The following HAPSTR1 variants were observed in gnomAD, a reference collection of about 807,000 sequenced individuals.
The protein encoded by HAPSTR1 is HUWE1-associated protein modifying stress responses 1.
At chr16:9,112,384 G>A in the HAPSTR1 span, 1 of 152,350 alleles carries the variant, frequency 6.6e-6, no homozygotes, top group East Asian at 1.9e-4. Flanking sequence ...TTTTCTATGG[G>A]AGATACACTG....
chr16:9,096,838 A>AT, the HAPSTR1 span, among the ~76,000 whole-genome samples: 4 of 151,774 alleles, frequency 2.6e-5, no homozygotes, highest in Non-Finnish European at 4.4e-5. Flanking sequence ...GTGTCTTAAA[A>AT]TTTTTTTTTA....
chr16:9,092,311 C>A, the HAPSTR1 span: 1 of 1,434,476 alleles, frequency 7.0e-7, no homozygotes, highest in Non-Finnish European at 9.2e-7. Flanking sequence ...TTGGCCGCCC[C>A]CGCCCGGGCC....
chr16:9,092,281 C>T, the HAPSTR1 span: 2 of 1,523,132 alleles, frequency 1.3e-6, no homozygotes, highest in Non-Finnish European at 1.8e-6. Context: ...GTGAGGCCGC[C>T]GCCGCCATCT....
chr16:9,101,941 T>C, the HAPSTR1 span, among the ~76,000 whole-genome samples: 1 of 152,008 alleles, frequency 6.6e-6, no homozygotes, highest in Non-Finnish European at 1.5e-5. Context: ...ACCAATATGG[T>C]GAAACCCGGT....
chr16:9,105,069 C>T, the HAPSTR1 span: 1 of 152,098 alleles, frequency 6.6e-6, no homozygotes, highest in Non-Finnish European at 1.5e-5. Context: ...GCAAGCCAGC[C>T]CCCTCTGCCC....
the HAPSTR1 span, among the ~76,000 whole-genome samples, chr16:9,114,616 G>T: frequency 6.6e-6 from 1 of 152,166 alleles, no homozygotes; most frequent in Non-Finnish European, 1.5e-5. Context: ...AAGAGAGCAG[G>T]AAGGGAAGAG....
At chr16:9,092,705 C>T in the HAPSTR1 span, among the ~76,000 whole-genome samples, 1 of 152,096 alleles carries the variant, frequency 6.6e-6, no homozygotes, top group Non-Finnish European at 1.5e-5. Context: ...TGCCCCTGAG[C>T]TCTGCGGCAT....
chr16:9,105,373 A>G, the HAPSTR1 span: 1 of 152,228 alleles, frequency 6.6e-6, no homozygotes, highest in East Asian at 1.9e-4. Context: ...TCATGTGGTT[A>G]AGACAGTGTT....
At chr16:9,098,908 G>C in the HAPSTR1 span, among the ~76,000 whole-genome samples, 2 of 152,124 alleles carry the variant, frequency 1.3e-5, no homozygotes, top group Admixed American at 6.5e-5. Flanking sequence ...TCAGTTCCTT[G>C]TTACAAACTT....
chr16:9,110,113 A>C, the HAPSTR1 span: 2 of 150,808 alleles, frequency 1.3e-5, no homozygotes, highest in Non-Finnish European at 2.9e-5. Flanking sequence ...TTGAGGCACC[A>C]TGTCCATCGC....
chr16:9,092,145 A>T, the HAPSTR1 span: 1 of 1,559,174 alleles, frequency 6.4e-7, no homozygotes, highest in Non-Finnish European at 8.7e-7. Context: ...GAGGCCGAAC[A>T]GGACGAGCAG....
the HAPSTR1 span, chr16:9,092,013 G>T: frequency 6.8e-7 from 1 of 1,473,988 alleles, no homozygotes; most frequent in Non-Finnish European, 9.0e-7. Flanking sequence ...ACGCGGCGGC[G>T]GTGGCGGCGA....
chr16:9,103,594 T>G, the HAPSTR1 span: 125 of 212,660 alleles, frequency 5.9e-4, no homozygotes, highest in Non-Finnish European at 3.7e-4. Flanking sequence ...AGTTCTTGTG[T>G]CTTAAGAATT....
the HAPSTR1 span, among the ~76,000 whole-genome samples, chr16:9,094,446 T>C: frequency 6.6e-6 from 1 of 152,146 alleles, no homozygotes; most frequent in Non-Finnish European, 1.5e-5. Context: ...GGGAGTGTAA[T>C]TTACATACAG....
At chr16:9,096,898 T>C in the HAPSTR1 span, among the ~76,000 whole-genome samples, 3 of 152,210 alleles carry the variant, frequency 2.0e-5, no homozygotes. Context: ...TTATACATAA[T>C]ACTTATTTTT....
chr16:9,092,422 C>T, the HAPSTR1 span: 2 of 659,612 alleles, frequency 3.0e-6, no homozygotes, highest in African/African-American at 3.8e-5. Context: ...CGCCCCCTCC[C>T]CGCAAGATGG....
chr16:9,121,294 C>T, the HAPSTR1 span: 2 of 152,200 alleles, frequency 1.3e-5, no homozygotes, highest in East Asian at 3.8e-4. Flanking sequence ...TGTAGATGAA[C>T]TATCTGGGTC....
chr16:9,104,603 C>A, the HAPSTR1 span: 3 of 151,874 alleles, frequency 2.0e-5, no homozygotes, highest in Non-Finnish European at 2.9e-5. Context: ...TTGTTTTTTC[C>A]CTTGATAGTG....
the HAPSTR1 span, chr16:9,116,890 A>G: frequency 1.2e-6 from 2 of 1,614,136 alleles, no homozygotes. Context: ...TCACCAACCC[A>G]TAAACGCAAC....
Sources: gnomAD v4.1 joint callset for allele counts (sites outside exome capture counted in the v4.1 genomes callset) on GRCh38, gnomAD v4.1.1 for gene constraint, MANE v1.5 for transcripts, NCBI Gene and HGNC (gene_info 2026-07-23, HGNC 2026-07-21) for gene names.